ATR: variants seen among roughly 807,000 people sequenced by gnomAD.
ATR encodes the protein ATR checkpoint kinase, also known as serine/threonine-protein kinase ATR.
Under a neutral mutation model 305.3 loss-of-function variants are expected in ATR, and 142 were observed. That is an observed-to-expected ratio of 0.47 (90% CI 0.41 to 0.53). ATR has a LOEUF of 0.53. Ranked by LOEUF, ATR falls within the 20% of genes least tolerant of loss-of-function variation. ATR has a pLI of 0.00. For missense variants in ATR, 2,135 were observed against 3,133.1 expected, an observed-to-expected ratio of 0.68 and a Z score of 7.60; for synonymous variants, 1,050 against 1,068.1, an observed-to-expected ratio of 0.98 and a Z score of 0.33.
intron 35 of ATR, among the ~76,000 whole-genome samples, chr3:142,487,086 C>A (rs1183025128): frequency 6.6e-6 from 1 of 151,874 alleles, no homozygotes; most frequent in Admixed American, 6.6e-5. Context: ...GAGCCAAGAT[C>A]GCGCAACTGC....
At chr3:142,450,550 C>A in intron 46 of ATR, 1 of 1,607,168 alleles carries the variant, frequency 6.2e-7, no homozygotes. Context: ...AAGGGAAGTA[C>A]CCTTTGAAGC....
At chr3:142,522,933 T>C (rs1577627465) in intron 22 of ATR, 92 bp from the exon 23 acceptor site, 2 of 948,642 alleles carry the variant, frequency 2.1e-6, no homozygotes, top group South Asian at 1.3e-5. Flanking sequence ...TTAACTTAAC[T>C]GCGTAAGTGA....
chr3:142,452,897 C>G, intron 46 of ATR: 1 of 1,368,030 alleles, frequency 7.3e-7, no homozygotes, highest in Non-Finnish European at 9.5e-7. Flanking sequence ...TATGGTTAAA[C>G]AAGTGTGCCA....
intron 3 of ATR, 145 bp from the exon 4 acceptor site, chr3:142,563,254 G>T: frequency 1.1e-6 from 1 of 873,076 alleles, no homozygotes; most frequent in Non-Finnish European, 1.7e-6. Context: ...AAACATAATA[G>T]TTTAGAACAC....
At chr3:142,450,208 T>TG (rs2070758644) in intron 46 of ATR, 3 of 504,584 alleles carry the variant, frequency 5.9e-6, no homozygotes, top group South Asian at 3.6e-5. Context: ...GGACTCCAAA[T>TG]ATGACTTATG....
chr3:142,565,206 T>G lies in ATR; in HGVS notation c.292+915A>C, dbSNP rs116710705. ...ACAGTTTAATAGCCTCTATGATAGA[T>G]GAAATGCAGAACACTTAGTACTAAG... is the stretch of plus-strand genomic sequence containing the variant. On this transcript the variant is annotated intron_variant, in intron 3 of 46. Coordinates refer to ENST00000350721, the MANE Select transcript of ATR (RefSeq NM_001184.4). Among the ~76,000 whole-genome samples the G allele has an allele frequency of 5.8e-3, 888 of 152,098 alleles. 2 individuals carry two copies. The highest frequency in any genetic ancestry group is 7.6e-3 in the Non-Finnish European group (514 of 67,990).
At chr3:142,454,307 C>A (rs993459531) in intron 45 of ATR, among the ~76,000 whole-genome samples, 8 of 152,328 alleles carry the variant, frequency 5.3e-5, no homozygotes, top group African/African-American at 1.9e-4. Context: ...GAAATTATTT[C>A]TTGACTGACC....
At chr3:142,487,834 CAA>C (rs2031036831) in intron 35 of ATR, among the ~76,000 whole-genome samples, 1 of 152,184 alleles carries the variant, frequency 6.6e-6, no homozygotes, top group Non-Finnish European at 1.5e-5. Context: ...CAATCTACCT[CAA>C]GTTTACTTTT....
At chr3:142,450,889 GT>G (rs1237090871) in intron 46 of ATR, 2 of 1,275,892 alleles carry the variant, frequency 1.6e-6, no homozygotes, top group Non-Finnish European at 2.0e-6. Context: ...CCAATACGGT[GT>G]TAAAAATGGT....
intron 16 of ATR, among the ~76,000 whole-genome samples, chr3:142,544,478 A>AAAAAAAAAAAAAAAAAAAAAC (rs2034190165): frequency 2.0e-5 from 3 of 149,362 alleles, no homozygotes; most frequent in African/African-American, 4.9e-5. Flanking sequence ...AAAAAAAAAA[A>AAAAAAAAAAAAAAAAAAAAAC]AAGATACCAT....
At chr3:142,565,337 A>G (rs1401756242) in intron 3 of ATR, among the ~76,000 whole-genome samples, 3 of 152,212 alleles carry the variant, frequency 2.0e-5, no homozygotes, top group Non-Finnish European at 2.9e-5. Flanking sequence ...GTTTGAACAA[A>G]AAATTTTAAA....
Position 142,507,873 on chromosome 3 carries a change from AC to A in ATR, c.5031+57del, listed in dbSNP as rs1332396921. On this transcript the variant is annotated intron_variant, in intron 28 of 46. Coordinates refer to ENST00000350721, the MANE Select transcript of ATR (RefSeq NM_001184.4). ...ACATTCAATAAAATGAACAACATAA[AC>A]ATAAAAGACTGGCCACATTAATTTT... 176 of 1,449,230 alleles carry A rather than the reference AC, an allele frequency of 1.2e-4. 1 individual carries two copies. The South Asian group carries it at 2.0e-3, about 16-fold the overall frequency. The allele number at this position is 1,449,230 out of a possible 1,614,324, so 89.8% of individuals were successfully genotyped here.
At chr3:142,559,739 CA>C (rs1250339728) in intron 6 of ATR, among the ~76,000 whole-genome samples, 2 of 152,082 alleles carry the variant, frequency 1.3e-5, no homozygotes, top group Non-Finnish European at 2.9e-5. Context: ...CCCATCTCTA[CA>C]AAAAAAATTT....
At chr3:142,543,866 T>A (rs2034159524) in intron 16 of ATR, among the ~76,000 whole-genome samples, 2 of 152,080 alleles carry the variant, frequency 1.3e-5, no homozygotes, top group South Asian at 4.2e-4. Context: ...AGATGGAGTT[T>A]CGCCATGTTG....
At chr3:142,531,234 GTTTTATTTTA>G (rs71629539) in intron 21 of ATR, among the ~76,000 whole-genome samples, 62 of 151,352 alleles carry the variant, frequency 4.1e-4, no homozygotes, top group Non-Finnish European at 7.7e-4. Flanking sequence ...GTCTCTAGCA[GTTTTATTTTA>G]TTTTATTTTA....
chr3:142,570,370 T>A (rs754981142), intron 1 of ATR, among the ~76,000 whole-genome samples: 2 of 152,174 alleles, frequency 1.3e-5, no homozygotes, highest in East Asian at 1.9e-4. Context: ...TTTCCCTCTA[T>A]GTTCCCTTAT....
chr3:142,541,216 T>C (rs552271741), intron 17 of ATR, among the ~76,000 whole-genome samples, 182 bp from the exon 18 acceptor site: 1 of 152,330 alleles, frequency 6.6e-6, no homozygotes, highest in East Asian at 1.9e-4. Flanking sequence ...ATGTGGTAAT[T>C]ATAAATTTGA....
At chr3:142,532,790 C>G (rs974748276) in intron 21 of ATR, among the ~76,000 whole-genome samples, 1 of 152,170 alleles carries the variant, frequency 6.6e-6, no homozygotes, top group Non-Finnish European at 1.5e-5. Context: ...CTTAAAGTAT[C>G]TTTTCCTCTC....
At chr3:142,495,785 T>A (rs138742278) in intron 34 of ATR, among the ~76,000 whole-genome samples, 3 of 151,850 alleles carry the variant, frequency 2.0e-5, no homozygotes, top group Admixed American at 2.0e-4. Flanking sequence ...AAAAAATAAA[T>A]CTGGGTCATA....
Sources: allele counts gnomAD v4.1 joint callset (sites outside exome capture counted in the v4.1 genomes callset), GRCh38; gene constraint gnomAD v4.1.1; transcripts MANE v1.5; gene names NCBI Gene and HGNC (gene_info 2026-07-23, HGNC 2026-07-21).